The following TMC1 variants were observed in gnomAD, a reference collection of about 807,000 sequenced individuals.
The protein encoded by TMC1 is transmembrane channel-like protein 1.
A neutral mutation model predicts 105.8 loss-of-function variants in TMC1; 84 were observed. The observed-to-expected ratio is 0.79, with a 90% CI of 0.67 to 0.95. The LOEUF is 0.95. Among genes scored for constraint, TMC1 ranks in the 40% least tolerant of loss-of-function variants. The probability of loss-of-function intolerance (pLI) is 0.00; values close to 1 mark genes in which losing one functional copy is unlikely to be tolerated. For missense variants in TMC1, 817 were observed against 914.1 expected (o/e 0.89, Z 1.37); for synonymous variants, 315 against 311.5 (o/e 1.01, Z -0.12).
chr9:72,620,597 G>T (rs1180168109), intron 3 of TMC1, among the ~76,000 whole-genome samples: 1 of 152,010 alleles, frequency 6.6e-6, no homozygotes, highest in Non-Finnish European at 1.5e-5. Flanking sequence ...ATCTATGTGT[G>T]CAAAATTTCG....
intron 1 of TMC1, among the ~76,000 whole-genome samples, chr9:72,529,051 T>G (rs1823452702): frequency 6.6e-6 from 1 of 151,846 alleles, no homozygotes; most frequent in South Asian, 2.1e-4. Flanking sequence ...AGTTATGATT[T>G]AAAGTATGTG....
chr9:72,786,102 A>G (rs1483511344), intron 13 of TMC1, among the ~76,000 whole-genome samples: 1 of 152,224 alleles, frequency 6.6e-6, no homozygotes, highest in Non-Finnish European at 1.5e-5. Flanking sequence ...AAATGACCTC[A>G]GGGTATAAAT....
In TMC1 at chr9:72,583,222, A is replaced by AAAAAAC. The variant is rs888588346; in HGVS notation, c.-306+5220_-306+5225dup. On this transcript the variant is annotated intron_variant, in intron 2 of 23. Coordinates refer to ENST00000297784, the MANE Select transcript of TMC1 (RefSeq NM_138691.3). Reference sequence around the variant, plus strand: ...GGGTGACAGAGTGAGACTTCATCTCAAAAAACAAAAACAAAAACAAAAACA... The same window carrying AAAAAAC: ...GGGTGACAGAGTGAGACTTCATCTCAAAAAACAAAAACAAAAACAAAAACAAAAACA... Among the ~76,000 whole-genome samples the AAAAAAC allele has an allele frequency of 2.9e-4, 44 of 152,268 alleles. 1 individual carries two copies. Among genetic ancestry groups the AAAAAAC allele is most frequent in the African/African-American group, 6.0e-4 (25 of 41,554 alleles).
chr9:72,574,897 T>C (rs1399494907), intron 1 of TMC1, among the ~76,000 whole-genome samples: 2 of 152,174 alleles, frequency 1.3e-5, no homozygotes, highest in Admixed American at 1.3e-4. Context: ...GTCTCCACCA[T>C]AAAGCTTAGG....
intron 5 of TMC1, among the ~76,000 whole-genome samples, chr9:72,664,655 G>T (rs1408140475): frequency 6.6e-6 from 1 of 152,154 alleles, no homozygotes; most frequent in Non-Finnish European, 1.5e-5. Context: ...GAGATCAGCT[G>T]CAGGACAGCC....
At chr9:72,558,152 CTCTCTCTT>C (rs780235400) in intron 1 of TMC1, among the ~76,000 whole-genome samples, 47 of 152,210 alleles carry the variant, frequency 3.1e-4, no homozygotes, top group Non-Finnish European at 5.0e-4. Context: ...TTCTCTCTCT[CTCTCTCTT>C]TCTCTCTTTC....
At chr9:72,680,831 G>C (rs1826274934) in intron 5 of TMC1, among the ~76,000 whole-genome samples, 2 of 152,156 alleles carry the variant, frequency 1.3e-5, no homozygotes, top group Non-Finnish European at 2.9e-5. Flanking sequence ...GAAGGGTAAA[G>C]ATGTGTACAG....
chr9:72,614,175 C>T (rs949648738), intron 2 of TMC1, among the ~76,000 whole-genome samples: 3 of 152,148 alleles, frequency 2.0e-5, no homozygotes, highest in Non-Finnish European at 4.4e-5. Context: ...CCCACCTTCA[C>T]CCCCACACAT....
rs903064937 is a variant in TMC1, at chr9:72,698,063, A to G, written c.237-2455A>G. Among the ~76,000 whole-genome samples, 12 of 152,238 alleles carry G rather than the reference A, an allele frequency of 7.9e-5. No homozygotes were observed. The South Asian group carries it at 2.1e-3, about 26-fold the overall frequency. Reference sequence around the variant, plus strand: ...CAAATTAAAAAAAAAAATTGTGGATATAGATAGAGTAAAAAAAATCCTGAA... The same window carrying G: ...CAAATTAAAAAAAAAAATTGTGGATGTAGATAGAGTAAAAAAAATCCTGAA... On this transcript the variant is annotated intron_variant, in intron 7 of 23. Transcript: ENST00000297784.
intron 20 of TMC1, among the ~76,000 whole-genome samples, chr9:72,821,502 CAA>C (rs35069464): frequency 2.8e-4 from 30 of 105,462 alleles, no homozygotes; most frequent in Admixed American, 4.2e-4. Context: ...AACTCTGTCT[CAA>C]AAAAAAAAAA....
At chr9:72,587,904 G>A (rs1405147785) in intron 2 of TMC1, among the ~76,000 whole-genome samples, 1 of 151,452 alleles carries the variant, frequency 6.6e-6, no homozygotes, top group East Asian at 1.9e-4. Context: ...TCCTGCCTCA[G>A]CCTCACAAAT....
intron 18 of TMC1, among the ~76,000 whole-genome samples, chr9:72,814,896 T>TTGTG (rs57564294): frequency 0.2 from 23,748 of 118,872 alleles, 2,104 homozygotes; most frequent in Non-Finnish European, 0.24. Flanking sequence ...TGGATCATCT[T>TTGTG]TGTGTGTGTG....
At chr9:72,687,768 G>A (rs1458740939) in intron 5 of TMC1, among the ~76,000 whole-genome samples, 1 of 152,032 alleles carries the variant, frequency 6.6e-6, no homozygotes, top group Non-Finnish European at 1.5e-5. Flanking sequence ...TGTTTCATCT[G>A]TTCACAGCAA....
At chr9:72,525,417 CT>C (rs1458443279) in intron 1 of TMC1, among the ~76,000 whole-genome samples, 1 of 152,202 alleles carries the variant, frequency 6.6e-6, no homozygotes, top group African/African-American at 2.4e-5. Flanking sequence ...GTTGTAAGTA[CT>C]GAGTCAGATG....
chr9:72,626,314 G>A (rs1825346470), intron 3 of TMC1, among the ~76,000 whole-genome samples: 1 of 152,184 alleles, frequency 6.6e-6, no homozygotes, highest in African/African-American at 2.4e-5. Flanking sequence ...TGATACAGGT[G>A]TCTGGCAGGC....
At chr9:72,625,270 A>C (rs1825325728) in intron 3 of TMC1, among the ~76,000 whole-genome samples, 1 of 152,192 alleles carries the variant, frequency 6.6e-6, no homozygotes, top group Non-Finnish European at 1.5e-5. Flanking sequence ...AATTGGATTT[A>C]TTGCTTATTG....
intron 8 of TMC1, among the ~76,000 whole-genome samples, chr9:72,703,401 A>G (rs1388216578): frequency 1.3e-5 from 2 of 152,206 alleles, no homozygotes; most frequent in African/African-American, 4.8e-5. Flanking sequence ...TGCTGAGATT[A>G]TAGGCATGAG....
At chr9:72,534,692 T>C (rs1823550614) in intron 1 of TMC1, among the ~76,000 whole-genome samples, 1 of 152,202 alleles carries the variant, frequency 6.6e-6, no homozygotes, top group Admixed American at 6.5e-5. Context: ...TGTGAGAATG[T>C]CCAGTTTAAC....
intron 1 of TMC1, among the ~76,000 whole-genome samples, chr9:72,569,485 G>A (rs1587964389): frequency 1.3e-5 from 2 of 152,246 alleles, no homozygotes; most frequent in African/African-American, 2.4e-5. Context: ...ACTCTGTGAC[G>A]AAATGGACAT....
Sources: gnomAD v4.1 joint callset for allele counts (sites outside exome capture counted in the v4.1 genomes callset) on GRCh38, gnomAD v4.1.1 for gene constraint, MANE v1.5 for transcripts, NCBI Gene and HGNC (gene_info 2026-07-23, HGNC 2026-07-21) for gene names.